Variants in PDE8B observed in about 807,000 individuals in gnomAD.
PDE8B encodes the protein phosphodiesterase 8B.
A neutral mutation model predicts 101.3 loss-of-function variants in PDE8B; 26 were observed. The observed-to-expected ratio is 0.26, with a 90% confidence interval of 0.19 to 0.36. The LOEUF is 0.36. Ranked by LOEUF, PDE8B falls within the 10% of genes least tolerant of loss-of-function variation. PDE8B has a pLI of 1.00. For synonymous variants in PDE8B, 424 were observed against 429.3 expected (o/e 0.99, Z 0.15); for missense variants, 810 against 1,163.1 (o/e 0.70, Z 4.42).
chr5:77,193,164 T>A, the PDE8B span, among the ~76,000 whole-genome samples: 11 of 152,210 alleles, frequency 7.2e-5, no homozygotes, highest in South Asian at 1.4e-3. Context: ...AGCAGACTTT[T>A]ACATTTTCAA....
intron 12 of PDE8B, among the ~76,000 whole-genome samples, chr5:77,406,208 C>T (rs888909003): frequency 1.3e-5 from 2 of 152,124 alleles, no homozygotes; most frequent in Non-Finnish European, 2.9e-5. Flanking sequence ...TCGCTTGAAC[C>T]CAGGAGGCGG....
chr5:77,230,153 C>G (rs972705177), intron 1 of PDE8B, among the ~76,000 whole-genome samples: 4 of 152,126 alleles, frequency 2.6e-5, no homozygotes, highest in Admixed American at 2.0e-4. Flanking sequence ...TGGTATCTCA[C>G]GTGGTTTGAT....
chr5:77,252,679 A>G (rs1411407236), intron 1 of PDE8B, among the ~76,000 whole-genome samples: 1 of 152,126 alleles, frequency 6.6e-6, no homozygotes, highest in African/African-American at 2.4e-5. Flanking sequence ...TTTTTCCTAT[A>G]TAAGAACTAT....
chr5:77,275,001 C>T (rs1462683177), intron 1 of PDE8B, among the ~76,000 whole-genome samples: 1 of 152,020 alleles, frequency 6.6e-6, no homozygotes, highest in Non-Finnish European at 1.5e-5. Flanking sequence ...TTTCAAGATA[C>T]TGAGAAATGC....
intron 10 of PDE8B, among the ~76,000 whole-genome samples, chr5:77,380,527 G>C (rs1340430997): frequency 6.6e-6 from 1 of 152,204 alleles, no homozygotes; most frequent in East Asian, 1.9e-4. Flanking sequence ...CTGTAAATTA[G>C]TATTTTTAGA....
chr5:77,197,172 G>A, the PDE8B span, among the ~76,000 whole-genome samples: 12 of 147,948 alleles, frequency 8.1e-5, no homozygotes, highest in Admixed American at 6.9e-4. Context: ...GAGGGCAGTG[G>A]CATGATCTCG....
intron 12 of PDE8B, among the ~76,000 whole-genome samples, chr5:77,407,072 T>C (rs1793618652): frequency 6.6e-6 from 1 of 152,166 alleles, no homozygotes; most frequent in Non-Finnish European, 1.5e-5. Context: ...GTGAGCCGTG[T>C]GGGGGTCATT....
At chr5:77,199,312 C>T in the PDE8B span, among the ~76,000 whole-genome samples, 1 of 152,150 alleles carries the variant, frequency 6.6e-6, no homozygotes, top group Non-Finnish European at 1.5e-5. Flanking sequence ...TAATTTAGTA[C>T]TTCAAGTGAC....
the PDE8B span, among the ~76,000 whole-genome samples, chr5:77,202,545 A>G: frequency 6.6e-6 from 1 of 152,184 alleles, no homozygotes; most frequent in African/African-American, 2.4e-5. Flanking sequence ...TTGTAAGACT[A>G]TAGTATATAC....
chr5:77,271,960 A>G (rs1762897865), intron 1 of PDE8B, among the ~76,000 whole-genome samples: 2 of 152,148 alleles, frequency 1.3e-5, no homozygotes, highest in Non-Finnish European at 2.9e-5. Flanking sequence ...TGGTCCTCGG[A>G]ACAGTACCAC....
the PDE8B span, among the ~76,000 whole-genome samples, chr5:77,157,175 GAA>G: frequency 6.6e-6 from 1 of 152,120 alleles, no homozygotes; most frequent in African/African-American, 2.4e-5. Flanking sequence ...TCATCCTCTG[GAA>G]AATCAATCCC....
intron 1 of PDE8B, among the ~76,000 whole-genome samples, chr5:77,230,365 C>G (rs919162165): frequency 6.6e-6 from 1 of 152,232 alleles, no homozygotes; most frequent in African/African-American, 2.4e-5. Context: ...CCACTTCTCA[C>G]ACTGGCTTTA....
chr5:77,390,616 T>C (rs183535657), intron 10 of PDE8B, among the ~76,000 whole-genome samples: 1 of 152,196 alleles, frequency 6.6e-6, no homozygotes, highest in South Asian at 2.1e-4. Flanking sequence ...CCCTTTGCTT[T>C]GAGTTAGTTT....
At chr5:77,312,163 G>T in intron 2 of PDE8B, 110 bp downstream of exon 2, 2 of 781,274 alleles carry the variant, frequency 2.6e-6, no homozygotes, top group South Asian at 1.5e-5. Flanking sequence ...GAGTGTAGAG[G>T]CTCAGTCTCG....
At chr5:77,183,919 TA>T in the PDE8B span, among the ~76,000 whole-genome samples, 1 of 152,152 alleles carries the variant, frequency 6.6e-6, no homozygotes, top group Non-Finnish European at 1.5e-5. Context: ...AATCTGTTCC[TA>T]GGGGTGGAAT....
At chr5:77,170,075 C>T in the PDE8B span, among the ~76,000 whole-genome samples, 1 of 152,196 alleles carries the variant, frequency 6.6e-6, no homozygotes, top group Non-Finnish European at 1.5e-5. Flanking sequence ...AACTAGGGTC[C>T]TGTTGAGTAG....
At chr5:77,176,988 C>T in the PDE8B span, among the ~76,000 whole-genome samples, 1 of 152,072 alleles carries the variant, frequency 6.6e-6, no homozygotes, top group Non-Finnish European at 1.5e-5. Flanking sequence ...TCTTTCCTTC[C>T]TTCCCTTTGC....
rs756639816 is a variant in PDE8B at position 77,421,841 on chromosome 5, A to T, written c.2271A>T (p.Glu757Asp). 1 of 1,614,050 alleles carries T rather than the reference A, an allele frequency of 6.2e-7. No individual in the cohort carries two copies. The highest frequency in any genetic ancestry group is 8.5e-7 in the Non-Finnish European group (1 of 1,180,026). The change falls in exon 20 of 22, where the codon GAA becomes GAT. Residue 757 changes from glutamate (E) to aspartate (D), a missense_variant. Physicochemically the swap from Glu to Asp is conservative, Grantham distance 45. Transcript: ENST00000264917. The stretch of plus-strand genomic sequence containing the variant: ...TCCAGATTGAAGGCAGCGACTGTGA[A>T]TGCAACCCTGCTGGGAAGAACTTCC... ...MAAEIEGSDC[E>D]CNPAGKNFPE...
chr5:77,413,300 A>C lies in PDE8B; in HGVS notation c.1902A>C (p.Glu634Asp), dbSNP rs1279516279. Residue 634 changes from glutamate (E) to aspartate (D), a missense_variant, in exon 17 of 22, where the codon GAA becomes GAC. By Grantham distance (45) the Glu-to-Asp change is conservative. Around this residue, in one of 4 missense-constraint regions of PDE8B, gnomAD observed 325 missense variants for 560.9 expected, o/e 0.58. Transcript: ENST00000264917. The stretch of plus-strand genomic sequence containing the variant: ...CCACCGCTTTCTTTCTTGGAAAGGA[A>C]AGAGTAAAGGTAGGATTTTGATATC... ...LHATAFFLGK[E>D]RVKGSLDQLD... 3 of 1,613,588 alleles carry C rather than the reference A, an allele frequency of 1.9e-6. No individual in the cohort carries two copies. The highest frequency in any genetic ancestry group is 2.5e-6 in the Non-Finnish European group (3 of 1,179,580).
Sources: allele counts gnomAD v4.1 joint callset (sites outside exome capture counted in the v4.1 genomes callset), GRCh38; gene constraint gnomAD v4.1.1; regional missense constraint gnomAD v4.1.1; transcripts MANE v1.5; gene names NCBI Gene and HGNC (gene_info 2026-07-23, HGNC 2026-07-21).